The following CDK17 variants were observed in gnomAD, a reference collection of about 807,000 sequenced individuals.
CDK17 encodes cyclin dependent kinase 17, also known as cyclin-dependent kinase 17.
In CDK17, 24 loss-of-function variants were observed where a neutral mutation model predicts 77.6. The observed-to-expected ratio is 0.31, with a 90% CI of 0.22 to 0.44. CDK17 has a LOEUF of 0.44. CDK17 is among the 20% of genes least tolerant of loss of function. CDK17 has a pLI of 1.00. For synonymous variants in CDK17, 203 were observed against 210.4 expected (o/e 0.96, Z 0.30); for missense variants, 429 against 622.5 (o/e 0.69, Z 3.31).
chr12:96,332,087 C>T (rs941277256), intron 2 of CDK17, among the ~76,000 whole-genome samples: 5 of 152,160 alleles, frequency 3.3e-5, no homozygotes, highest in Admixed American at 1.3e-4. Context: ...TGTTTAGATA[C>T]ACTTAGATAC....
chr12:96,302,865 AAAC>A, intron 5 of CDK17, among the ~76,000 whole-genome samples: 1 of 152,292 alleles, frequency 6.6e-6, no homozygotes, highest in East Asian at 1.9e-4. Flanking sequence ...TCTATAAAAT[AAAC>A]AACACTACTG....
chr12:96,348,461 T>G (rs1331818573), intron 1 of CDK17, among the ~76,000 whole-genome samples: 1 of 144,968 alleles, frequency 6.9e-6, no homozygotes, highest in Non-Finnish European at 1.5e-5. Flanking sequence ...GAGGTGGAGG[T>G]TGCAGCGAGC....
At chr12:96,308,422 G>A (rs762823746) in intron 5 of CDK17, among the ~76,000 whole-genome samples, 6 of 151,248 alleles carry the variant, frequency 4.0e-5, no homozygotes, top group Admixed American at 2.0e-4. Context: ...AAAGAAAATA[G>A]TTCCATTATA....
chr12:96,326,651 A>G (rs1196143405), intron 2 of CDK17, among the ~76,000 whole-genome samples: 3 of 152,210 alleles, frequency 2.0e-5, no homozygotes, highest in Non-Finnish European at 4.4e-5. Flanking sequence ...TCACCCACAG[A>G]CTTCCTGGTT....
intron 5 of CDK17, among the ~76,000 whole-genome samples, chr12:96,310,429 A>C (rs1249556515): frequency 6.6e-6 from 1 of 152,170 alleles, no homozygotes; most frequent in African/African-American, 2.4e-5. Flanking sequence ...ACAAATAAGA[A>C]TATATGTGAA....
chr12:96,344,736 AAGGTAATTACAC>A (rs1953174280), intron 1 of CDK17, among the ~76,000 whole-genome samples: 1 of 152,234 alleles, frequency 6.6e-6, no homozygotes, highest in South Asian at 2.1e-4. Context: ...AACACTGGTA[AAGGTAATTACAC>A]AGGTAATTAT....
At chr12:96,340,395 T>C (rs1953106202) in intron 1 of CDK17, among the ~76,000 whole-genome samples, 1 of 152,142 alleles carries the variant, frequency 6.6e-6, no homozygotes. Flanking sequence ...AAGCTAAACC[T>C]TACTATAAAA....
intron 1 of CDK17, among the ~76,000 whole-genome samples, chr12:96,377,790 T>C (rs1592764712): frequency 6.7e-6 from 1 of 148,586 alleles, no homozygotes; most frequent in South Asian, 2.1e-4. Context: ...CCCTCCCGGG[T>C]TCACGCCATT....
intron 1 of CDK17, among the ~76,000 whole-genome samples, chr12:96,358,039 T>C (rs1379610363): frequency 1.2e-4 from 19 of 152,104 alleles, no homozygotes; most frequent in Non-Finnish European, 2.8e-4. Context: ...CAAATATTAG[T>C]AATGTGATCT....
chr12:96,335,000 AT>A (rs775140251), intron 1 of CDK17, 135 bp from the exon 2 acceptor site: 4 of 682,744 alleles, frequency 5.9e-6, no homozygotes, highest in Middle Eastern at 2.3e-4. Context: ...ACATCACCAA[AT>A]CCAACCCCTT....
intron 3 of CDK17, among the ~76,000 whole-genome samples, chr12:96,315,979 C>T (rs558084127): frequency 7.3e-4 from 111 of 152,230 alleles, no homozygotes; most frequent in African/African-American, 2.6e-3. Flanking sequence ...GGAACAGCTC[C>T]GGTCTACAGC....
chr12:96,389,560 A>C (rs1954034357), intron 1 of CDK17, among the ~76,000 whole-genome samples: 1 of 152,198 alleles, frequency 6.6e-6, no homozygotes, highest in East Asian at 1.9e-4. Context: ...GGCAAAAATT[A>C]TTGCAACACA....
intron 1 of CDK17, among the ~76,000 whole-genome samples, chr12:96,362,170 C>T (rs1392542178): frequency 1.3e-5 from 2 of 151,958 alleles, no homozygotes; most frequent in African/African-American, 4.8e-5. Context: ...AAAACTTAGT[C>T]AAATAACTAA....
At chr12:96,349,382 G>C (rs565685294) in intron 1 of CDK17, among the ~76,000 whole-genome samples, 13 of 152,178 alleles carry the variant, frequency 8.5e-5, no homozygotes, top group African/African-American at 3.1e-4. Context: ...AAACCCAGGA[G>C]GGGGAGGTTG....
At chr12:96,357,000 GTTCAGT>G (rs1953403492) in intron 1 of CDK17, among the ~76,000 whole-genome samples, 1 of 152,138 alleles carries the variant, frequency 6.6e-6, no homozygotes, top group Non-Finnish European at 1.5e-5. Flanking sequence ...TTAAACAGCT[GTTCAGT>G]TTCAGAGAAT....
At chr12:96,316,530 G>A (rs373822513) in intron 3 of CDK17, among the ~76,000 whole-genome samples, 1 of 148,076 alleles carries the variant, frequency 6.8e-6, no homozygotes. Flanking sequence ...AAGACAGCAG[G>A]AACCTCTGCA....
Position 96,388,874 on chromosome 12 carries a change from G to A in CDK17, c.-30+11112C>T, listed in dbSNP as rs186265225. On this transcript the variant is annotated intron_variant, in intron 1 of 16. Coordinates refer to ENST00000261211, the MANE Select transcript of CDK17 (RefSeq NM_002595.5). ...AGTGGGAACAGGCATGTCACATGGC[G>A]AGAGCAGGAACAAGAGAGAACAGAG... 9.2e-4 allele frequency among the ~76,000 whole-genome samples: 140 copies of A among 152,192 alleles called. 1 individual carries two copies. Among genetic ancestry groups the A allele is most frequent in the African/African-American group, 3.0e-3 (126 of 41,522 alleles).
chr12:96,381,832 T>C (rs967662916), intron 1 of CDK17, among the ~76,000 whole-genome samples: 8 of 151,782 alleles, frequency 5.3e-5, no homozygotes, highest in African/African-American at 1.9e-4. Context: ...AAAAAGAAGA[T>C]GCCAGGATTC....
At chr12:96,294,559 GGC>G (rs1422285745) in intron 10 of CDK17, among the ~76,000 whole-genome samples, 1 of 133,450 alleles carries the variant, frequency 7.5e-6, no homozygotes, top group Non-Finnish European at 1.6e-5. Flanking sequence ...CTCCAGCCTG[GGC>G]TTTAACAGCA....
Sources: gnomAD v4.1 joint callset for allele counts (sites outside exome capture counted in the v4.1 genomes callset) on GRCh38, gnomAD v4.1.1 for gene constraint, MANE v1.5 for transcripts, NCBI Gene and HGNC (gene_info 2026-07-23, HGNC 2026-07-21) for gene names.